Variants in PDE3B observed in about 807,000 individuals in gnomAD.
The protein encoded by PDE3B is cGMP-inhibited 3',5'-cyclic phosphodiesterase 3B.
PDE3B carries 66 observed loss-of-function variants against 116.8 expected under a neutral mutation model. That is an observed-to-expected ratio of 0.56 (90% CI 0.46 to 0.69). The LOEUF is 0.69. PDE3B is among the 30% of genes least tolerant of loss of function. The pLI is 0.00. For synonymous variants in PDE3B, 595 were observed against 533.6 expected, an observed-to-expected ratio of 1.12 and a Z score of -1.59; for missense variants, 1,384 against 1,368.1, an observed-to-expected ratio of 1.01 and a Z score of -0.18.
chr11:14,880,075 A>G, the PDE3B span: 5 of 1,576,570 alleles, frequency 3.2e-6, no homozygotes, highest in Non-Finnish European at 4.3e-6. Flanking sequence ...GCCAAGACTC[A>G]AAAACATGTA....
chr11:14,782,934 C>T (rs1166376271), intron 2 of PDE3B, among the ~76,000 whole-genome samples: 1 of 152,116 alleles, frequency 6.6e-6, no homozygotes, highest in African/African-American at 2.4e-5. Context: ...CAAACAACCC[C>T]ATCAAAAAGT....
At chr11:14,814,460 T>C (rs1859251471) in intron 5 of PDE3B, among the ~76,000 whole-genome samples, 1 of 152,056 alleles carries the variant, frequency 6.6e-6, no homozygotes, top group Admixed American at 6.6e-5. Flanking sequence ...TATCAGAAAA[T>C]GGTTAAAATG....
intron 13 of PDE3B, among the ~76,000 whole-genome samples, chr11:14,859,539 A>G (rs1555006745): frequency 6.6e-6 from 1 of 152,180 alleles, no homozygotes; most frequent in East Asian, 1.9e-4. Context: ...TTAGAAACAA[A>G]CCAGTTATTT....
chr11:14,688,728 C>T (rs1854962487), intron 1 of PDE3B, among the ~76,000 whole-genome samples: 1 of 152,048 alleles, frequency 6.6e-6, no homozygotes, highest in African/African-American at 2.4e-5. Flanking sequence ...GTTATTACAG[C>T]TAGATCTATG....
intron 5 of PDE3B, among the ~76,000 whole-genome samples, chr11:14,814,426 A>G (rs910689316): frequency 2.0e-5 from 3 of 152,182 alleles, no homozygotes; most frequent in African/African-American, 7.2e-5. Context: ...ATTGTACAGA[A>G]AAATTAATTA....
At chr11:14,666,228 A>T (rs375601723) in intron 1 of PDE3B, among the ~76,000 whole-genome samples, 3 of 148,840 alleles carry the variant, frequency 2.0e-5, no homozygotes, top group Non-Finnish European at 3.0e-5. Context: ...CTGGCTAGCC[A>T]TATGTAGAAA....
At chr11:14,791,257 C>T (rs1001148996) in intron 4 of PDE3B, among the ~76,000 whole-genome samples, 2 of 152,050 alleles carry the variant, frequency 1.3e-5, no homozygotes, top group Non-Finnish European at 2.9e-5. Flanking sequence ...ACTCCAGAAT[C>T]GAGATCTCAT....
chr11:14,732,546 G>C lies in PDE3B; in HGVS notation c.979-39391G>C, dbSNP rs117882487. ...TTTTTTCATGGTTAAACAACATGGA[G>C]AGGAAAGTAATGATCTTATAAAATA... On this transcript the variant is annotated intron_variant, in intron 1 of 15. Transcript: ENST00000282096. 4.7e-3 allele frequency among the ~76,000 whole-genome samples: 723 copies of C among 152,236 alleles called. 6 individuals carry two copies. The highest frequency in any genetic ancestry group is 7.4e-3 in the Non-Finnish European group (500 of 68,012).
At chr11:14,663,855 A>C (rs775909907) in intron 1 of PDE3B, among the ~76,000 whole-genome samples, 1 of 151,186 alleles carries the variant, frequency 6.6e-6, no homozygotes, top group Non-Finnish European at 1.5e-5. Context: ...ACATTAGATC[A>C]ACAAGACAGA....
intron 11 of PDE3B, among the ~76,000 whole-genome samples, chr11:14,838,019 C>T (rs1244764999): frequency 6.6e-6 from 1 of 151,402 alleles, no homozygotes; most frequent in Non-Finnish European, 1.5e-5. Context: ...CACTTTGTCG[C>T]CCAGGCTGGA....
At chr11:14,766,087 G>C (rs1312839103) in intron 1 of PDE3B, among the ~76,000 whole-genome samples, 1 of 150,886 alleles carries the variant, frequency 6.6e-6, no homozygotes, top group East Asian at 1.9e-4. Context: ...ACCAACTTAA[G>C]GTAAATGTAT....
chr11:14,807,386 A>G (rs757799424), intron 5 of PDE3B, among the ~76,000 whole-genome samples: 3 of 152,208 alleles, frequency 2.0e-5, no homozygotes, highest in Non-Finnish European at 4.4e-5. Context: ...ATTTGTCGTA[A>G]GGTACTAGCA....
Position 14,644,226 on chromosome 11 carries a change from C to T in PDE3B, c.151C>T (p.Leu51Phe), listed in dbSNP as rs868708899. Reference sequence around the variant, plus strand: ...CCCTCCGCGCGGCTTCTTCTTCCACCTCTGCCGCTTCTGCAACGTGGAGCT... The same window carrying T: ...CCCTCCGCGCGGCTTCTTCTTCCACTTCTGCCGCTTCTGCAACGTGGAGCT... ...QDPPRGFFFH[L>F]CRFCNVELRP... Residue 51 changes from leucine (L) to phenylalanine (F), a missense_variant, in exon 1 of 16, where the codon CTC (leucine) becomes TTC (phenylalanine). Leu to Phe is a conservative substitution (Grantham distance 22, BLOSUM62 0). This residue lies in a region of PDE3B where 956 missense variants were observed against 806.8 expected (regional missense o/e 1.18). Coordinates refer to ENST00000282096, the MANE Select transcript of PDE3B (RefSeq NM_000922.4). The T allele has an allele frequency of 2.5e-6, 4 of 1,589,232 alleles. No homozygotes were observed. Among genetic ancestry groups the T allele is most frequent in the Admixed American group, 1.7e-5 (1 of 58,782 alleles).
chr11:14,688,576 G>A (rs543962070), intron 1 of PDE3B, among the ~76,000 whole-genome samples: 10 of 152,190 alleles, frequency 6.6e-5, no homozygotes, highest in African/African-American at 2.4e-4. Context: ...AGACATATTT[G>A]TTATTGACAT....
intron 1 of PDE3B, 146 bp from the exon 2 acceptor site, chr11:14,771,791 G>A (rs569718095): frequency 1.6e-5 from 6 of 373,062 alleles, no homozygotes; most frequent in East Asian, 1.6e-4. Flanking sequence ...ATATTCTGTC[G>A]AGATAATTTT....
At position 14,666,271 on chromosome 11, in the gene PDE3B, C is replaced by G. The variant is rs1296973791; in HGVS notation, c.978+21218C>G. On this transcript the variant is annotated intron_variant, in intron 1 of 15. Transcript: ENST00000282096. ...CTGGATCCCTTCCTTACACCTTATACAAAAATTAATTCAAGATGGATTAAA... is the reference window on the plus strand; with the variant it reads ...CTGGATCCCTTCCTTACACCTTATAGAAAAATTAATTCAAGATGGATTAAA... Among the ~76,000 whole-genome samples, 661 of 147,860 alleles carry G rather than the reference C, an allele frequency of 4.5e-3. 10 individuals carry two copies. Among genetic ancestry groups the G allele is most frequent in the African/African-American group, 0.016 (644 of 39,204 alleles).
intron 1 of PDE3B, among the ~76,000 whole-genome samples, chr11:14,766,156 T>C (rs1398483588): frequency 6.6e-6 from 1 of 151,802 alleles, no homozygotes; most frequent in Non-Finnish European, 1.5e-5. Context: ...TATATCAGTG[T>C]ATATTTACAA....
intron 12 of PDE3B, among the ~76,000 whole-genome samples, chr11:14,850,500 T>TA (rs914567369): frequency 2.4e-4 from 36 of 148,758 alleles, no homozygotes; most frequent in South Asian, 6.4e-4. Flanking sequence ...ATAATAAAAT[T>TA]AAAAAAAAAA....
chr11:14,715,177 G>C (rs1855839723), intron 1 of PDE3B, among the ~76,000 whole-genome samples: 2 of 152,168 alleles, frequency 1.3e-5, no homozygotes, highest in African/African-American at 2.4e-5. Context: ...AAGAAAAGGG[G>C]AAAAATCAGG....
Sources: gnomAD v4.1 joint callset for allele counts (sites outside exome capture counted in the v4.1 genomes callset) on GRCh38, gnomAD v4.1.1 for gene constraint, gnomAD v4.1.1 regional missense constraint, MANE v1.5 for transcripts, NCBI Gene and HGNC (gene_info 2026-07-23, HGNC 2026-07-21) for gene names.